ROBO2: variants seen among roughly 807,000 people sequenced by gnomAD.
ROBO2 encodes the protein roundabout guidance receptor 2.
ROBO2 carries 53 observed loss-of-function variants against 160.8 expected under a neutral mutation model. The observed-to-expected ratio is 0.33, with a 90% CI of 0.26 to 0.41. The LOEUF (loss-of-function observed/expected upper bound fraction) is 0.41. Among genes scored for constraint, ROBO2 ranks in the 10% least tolerant of loss-of-function variants. ROBO2 has a pLI of 1.00. For missense variants in ROBO2, 1,577 were observed against 1,722.4 expected (o/e 0.92, Z 1.49); for synonymous variants, 664 against 611.7 (o/e 1.09, Z -1.26).
chr3:76,486,535 C>T (rs2079507888), intron 2 of ROBO2, among the ~76,000 whole-genome samples: 1 of 151,378 alleles, frequency 6.6e-6, no homozygotes, highest in Non-Finnish European at 1.5e-5. Flanking sequence ...TATTTTTTTC[C>T]AAAAAAATGT....
chr3:76,494,684 A>C (rs2080041163), intron 2 of ROBO2, among the ~76,000 whole-genome samples: 1 of 152,180 alleles, frequency 6.6e-6, no homozygotes, highest in Admixed American at 6.6e-5. Context: ...TTAGCACAAA[A>C]TAATCTTTAT....
At chr3:77,267,742 G>A (rs549793880) in intron 2 of ROBO2, among the ~76,000 whole-genome samples, 12 of 152,218 alleles carry the variant, frequency 7.9e-5, no homozygotes, top group South Asian at 2.1e-4. Context: ...AATTTGTGAG[G>A]GGGCTTGACC....
chr3:76,416,855 G>A (rs2075778652), intron 2 of ROBO2, among the ~76,000 whole-genome samples: 1 of 152,126 alleles, frequency 6.6e-6, no homozygotes, highest in Non-Finnish European at 1.5e-5. Context: ...TAGAGTTCGA[G>A]TTATCAGTTT....
At chr3:77,631,357 T>G (rs1444217000) in intron 23 of ROBO2, 5 of 152,198 alleles carry the variant, frequency 3.3e-5, no homozygotes, top group Non-Finnish European at 7.3e-5. Flanking sequence ...ATTCTGTTGT[T>G]GCTTAAATAT....
chr3:76,869,407 T>C (rs112288631), intron 2 of ROBO2, among the ~76,000 whole-genome samples: 1 of 133,156 alleles, frequency 7.5e-6, no homozygotes, highest in African/African-American at 2.9e-5. Context: ...TGGAGTGCAG[T>C]GGCGCGATCT....
At chr3:76,094,674 C>G (rs561070069) in intron 2 of ROBO2, among the ~76,000 whole-genome samples, 1 of 152,246 alleles carries the variant, frequency 6.6e-6, no homozygotes, top group Admixed American at 6.5e-5. Context: ...CTGAAATATT[C>G]AAGGAAGGAG....
At position 77,448,835 on chromosome 3, in the gene ROBO2, A is replaced by G. The variant is rs550811925; in HGVS notation, c.389-28579A>G. ...CCAACATTAAGCTTTTCCTCAAAAAATCACATATAAGAGCCAAGTTAAAAA... is the reference window on the plus strand; with the variant it reads ...CCAACATTAAGCTTTTCCTCAAAAAGTCACATATAAGAGCCAAGTTAAAAA... On this transcript the variant is annotated intron_variant, in intron 2 of 25. Coordinates refer to ENST00000461745, the Ensembl canonical transcript of ROBO2. 2.8e-4 allele frequency among the ~76,000 whole-genome samples: 43 copies of G among 152,124 alleles called. 1 individual carries two copies. The highest frequency in any genetic ancestry group is 9.4e-4 in the African/African-American group (39 of 41,528).
chr3:77,387,644 A>G (rs2153495185), intron 2 of ROBO2, among the ~76,000 whole-genome samples: 1 of 148,688 alleles, frequency 6.7e-6, no homozygotes, highest in African/African-American at 2.5e-5. Context: ...TACCAAAAGA[A>G]AAAAAAAAAA....
intron 2 of ROBO2, among the ~76,000 whole-genome samples, chr3:77,371,019 C>T (rs914383610): frequency 6.6e-6 from 1 of 152,000 alleles, no homozygotes; most frequent in African/African-American, 2.4e-5. Flanking sequence ...GGAAGTGCAT[C>T]CTGGAAAAAG....
intron 2 of ROBO2, among the ~76,000 whole-genome samples, chr3:76,415,111 T>A (rs1322385185): frequency 6.6e-6 from 1 of 152,212 alleles, no homozygotes; most frequent in East Asian, 1.9e-4. Flanking sequence ...CTTTGATCTC[T>A]GTAAGTAAAA....
intron 2 of ROBO2, chr3:76,311,161 G>A (rs1409642935): frequency 1.3e-5 from 2 of 152,208 alleles, no homozygotes; most frequent in South Asian, 2.1e-4. Flanking sequence ...GCTACATCAG[G>A]AAGCTGCTAC....
At chr3:77,450,969 C>T (rs1238104756) in intron 2 of ROBO2, among the ~76,000 whole-genome samples, 1 of 152,038 alleles carries the variant, frequency 6.6e-6, no homozygotes, top group Non-Finnish European at 1.5e-5. Context: ...AGTCAAAAAG[C>T]ATGTTCCAAA....
chr3:76,408,745 G>T (rs945990983), intron 2 of ROBO2, among the ~76,000 whole-genome samples: 6 of 151,998 alleles, frequency 3.9e-5, no homozygotes, highest in Non-Finnish European at 7.4e-5. Flanking sequence ...AGATAAAATT[G>T]CTGTTAATAC....
At chr3:77,360,257 C>T (rs777741794) in intron 2 of ROBO2, among the ~76,000 whole-genome samples, 9 of 151,032 alleles carry the variant, frequency 6.0e-5, no homozygotes, top group African/African-American at 1.2e-4. Context: ...ATGCAACCCC[C>T]CCCCCAAATT....
At chr3:76,256,336 T>A (rs1169340716) in intron 2 of ROBO2, among the ~76,000 whole-genome samples, 227 of 95,380 alleles carry the variant, frequency 2.4e-3, no homozygotes, top group Non-Finnish European at 2.7e-3. Context: ...TCTCTCTCTC[T>A]CTCTCTCTCT....
At chr3:77,517,196 T>C (rs1200137389) in intron 5 of ROBO2, among the ~76,000 whole-genome samples, 1 of 151,594 alleles carries the variant, frequency 6.6e-6, no homozygotes, top group Non-Finnish European at 1.5e-5. Context: ...GATTGGTGGA[T>C]AGCAACTAGA....
intron 2 of ROBO2, among the ~76,000 whole-genome samples, chr3:76,709,776 A>G (rs2093250714): frequency 1.3e-5 from 2 of 152,212 alleles, no homozygotes. Flanking sequence ...TTTCTTTAAA[A>G]TGAAGTATAT....
intron 2 of ROBO2, among the ~76,000 whole-genome samples, chr3:77,374,096 G>T (rs1386244167): frequency 7.0e-6 from 1 of 143,724 alleles, no homozygotes; most frequent in Non-Finnish European, 1.5e-5. Flanking sequence ...CTGGAACCTG[G>T]GAGGCGGAGC....
chr3:76,322,134 G>A (rs886807772), intron 2 of ROBO2, among the ~76,000 whole-genome samples: 9 of 130,196 alleles, frequency 6.9e-5, no homozygotes, highest in African/African-American at 1.2e-4. Context: ...CTTCTGAAGT[G>A]GTTTATTTGA....
Sources: gnomAD v4.1 joint callset for allele counts (sites outside exome capture counted in the v4.1 genomes callset) on GRCh38, gnomAD v4.1.1 for gene constraint, MANE v1.5 for transcripts, NCBI Gene and HGNC (gene_info 2026-07-23, HGNC 2026-07-21) for gene names.